Variants in PTPRD observed in about 807,000 individuals in gnomAD.
PTPRD encodes the protein receptor-type tyrosine-protein phosphatase delta.
PTPRD carries 34 observed loss-of-function variants against 214.5 expected under a neutral mutation model. The observed-to-expected ratio is 0.16, with a 90% CI of 0.12 to 0.21. The LOEUF (loss-of-function observed/expected upper bound fraction) is 0.21, where lower values mean the gene tolerates loss of function less well. PTPRD is among the 10% of genes least tolerant of loss of function. The pLI is 1.00. For synonymous variants in PTPRD, 1,128 were observed against 845.7 expected (o/e 1.33, Z -5.79); for missense variants, 2,545 against 2,398.7 (o/e 1.06, Z -1.27).
intron 4 of PTPRD, among the ~76,000 whole-genome samples, chr9:9,939,223 A>G (rs1181992158): frequency 6.6e-6 from 1 of 152,120 alleles, no homozygotes; most frequent in East Asian, 1.9e-4. Context: ...CTTGACGAAA[A>G]CCATAGAGCA....
intron 43 of PTPRD, among the ~76,000 whole-genome samples, chr9:8,333,264 G>T (rs529159595): frequency 6.6e-6 from 1 of 152,106 alleles, no homozygotes; most frequent in Non-Finnish European, 1.5e-5. Flanking sequence ...CAGAAGCTAG[G>T]TAATACAGAT....
chr9:8,425,003 T>C (rs947612583), intron 35 of PTPRD, among the ~76,000 whole-genome samples: 11 of 152,152 alleles, frequency 7.2e-5, no homozygotes, highest in Non-Finnish European at 1.5e-4. Flanking sequence ...GCTTACATCC[T>C]TCACTTTCAT....
At chr9:10,246,670 C>T (rs1431181321) in intron 3 of PTPRD, among the ~76,000 whole-genome samples, 2 of 152,062 alleles carry the variant, frequency 1.3e-5, no homozygotes, top group African/African-American at 4.8e-5. Flanking sequence ...AACCTAAGTA[C>T]ACTTTTTGAG....
At chr9:8,912,315 C>T (rs180674820) in intron 11 of PTPRD, among the ~76,000 whole-genome samples, 23 of 152,012 alleles carry the variant, frequency 1.5e-4, no homozygotes, top group African/African-American at 4.1e-4. Flanking sequence ...GGAGTAATAA[C>T]GAGCAATGAA....
At chr9:9,801,337 TAA>T (rs35160371) in intron 5 of PTPRD, among the ~76,000 whole-genome samples, 49 of 149,220 alleles carry the variant, frequency 3.3e-4, no homozygotes, top group Admixed American at 4.0e-4. Context: ...TAAAGAGGAT[TAA>T]AAAAAAAAAA....
intron 12 of PTPRD, among the ~76,000 whole-genome samples, chr9:8,647,525 T>G (rs1265075101): frequency 5.9e-5 from 9 of 152,186 alleles, no homozygotes; most frequent in Admixed American, 5.9e-4. Context: ...AAGATTACAT[T>G]TAAATTTATT....
At chr9:8,735,381 TG>T (rs140895785) in intron 11 of PTPRD, among the ~76,000 whole-genome samples, 2,169 of 152,012 alleles carry the variant, frequency 0.014, 50 homozygotes, top group African/African-American at 0.05. Context: ...TGGCATCAAG[TG>T]ATCTGCCTGC....
intron 8 of PTPRD, among the ~76,000 whole-genome samples, chr9:9,423,752 T>A (rs552563889): frequency 1.3e-3 from 201 of 152,140 alleles, no homozygotes; most frequent in African/African-American, 4.5e-3. Flanking sequence ...ACCCAATGAA[T>A]AAGTTAAATT....
intron 12 of PTPRD, among the ~76,000 whole-genome samples, chr9:8,676,866 G>C (rs1248229386): frequency 6.6e-6 from 1 of 152,170 alleles, no homozygotes; most frequent in Non-Finnish European, 1.5e-5. Flanking sequence ...GAGCCACCGT[G>C]CCCGGCCCAT....
chr9:9,798,305 G>C (rs2099016988), intron 5 of PTPRD, among the ~76,000 whole-genome samples: 3 of 152,110 alleles, frequency 2.0e-5, no homozygotes, highest in Non-Finnish European at 4.4e-5. Flanking sequence ...ACCTGACACA[G>C]ACACCTTCAG....
chr9:10,227,179 T>G (rs560091490), intron 3 of PTPRD, among the ~76,000 whole-genome samples: 34 of 152,182 alleles, frequency 2.2e-4, no homozygotes, highest in African/African-American at 7.2e-4. Context: ...GGCCATGATT[T>G]GTTCAGACTT....
chr9:9,175,643 A>ACAC (rs1569558787), intron 10 of PTPRD, among the ~76,000 whole-genome samples: 1 of 151,120 alleles, frequency 6.6e-6, no homozygotes, highest in African/African-American at 2.4e-5. Context: ...AAAAAAAAAA[A>ACAC]AAAAAAAGAG....
Position 9,136,261 on chromosome 9 carries a change from A to G in PTPRD, c.-143+47043T>C, listed in dbSNP as rs545121909. ...ATTCCAACTTGATTTTTAAGTCTCTAATTAACATCTTTTGGTCATGGTTGT... is the reference window on the plus strand; with the variant it reads ...ATTCCAACTTGATTTTTAAGTCTCTGATTAACATCTTTTGGTCATGGTTGT... On this transcript the variant is annotated intron_variant, in intron 10 of 45. Coordinates refer to ENST00000381196, the MANE Select transcript of PTPRD (RefSeq NM_002839.4). Among the ~76,000 whole-genome samples the G allele has an allele frequency of 3.8e-4, 57 of 151,592 alleles. 1 individual carries two copies. Among genetic ancestry groups the G allele is most frequent in the African/African-American group, 1.3e-3 (54 of 41,058 alleles).
intron 3 of PTPRD, among the ~76,000 whole-genome samples, chr9:10,144,701 C>A (rs988655571): frequency 4.6e-5 from 7 of 152,038 alleles, no homozygotes; most frequent in African/African-American, 1.7e-4. Context: ...GGACTAGCTT[C>A]GTTAGATATT....
At chr9:9,069,011 T>A (rs534558940) in intron 10 of PTPRD, among the ~76,000 whole-genome samples, 167 of 152,276 alleles carry the variant, frequency 1.1e-3, no homozygotes, top group African/African-American at 3.7e-3. Flanking sequence ...TAAGATTTCA[T>A]ATATACAAAG....
intron 23 of PTPRD, 127 bp from the exon 24 acceptor site, chr9:8,501,186 G>T: frequency 1.4e-6 from 1 of 700,670 alleles, no homozygotes; most frequent in Non-Finnish European, 2.3e-6. Flanking sequence ...TGAAAATAAG[G>T]CTTTGAAACT....
rs367561707 is a variant in PTPRD, at chr9:9,036,105, T to C, written c.-142-17370A>G. On this transcript the variant is annotated intron_variant, in intron 10 of 45. Transcript: ENST00000381196. Reference sequence around the variant, plus strand: ...CAACTGACTGACTCACTAATAAAGATTATTCTCCTTTTGCCATCCAAGGAA... The same window carrying C: ...CAACTGACTGACTCACTAATAAAGACTATTCTCCTTTTGCCATCCAAGGAA... 1.5e-3 allele frequency among the ~76,000 whole-genome samples: 233 copies of C among 152,184 alleles called. 1 individual carries two copies. The highest frequency in any genetic ancestry group is 5.3e-3 in the African/African-American group (221 of 41,530).
chr9:10,004,777 A>T (rs749964877), intron 4 of PTPRD, among the ~76,000 whole-genome samples: 7 of 152,166 alleles, frequency 4.6e-5, no homozygotes, highest in Non-Finnish European at 8.8e-5. Context: ...AAGCAAACTA[A>T]GTTTACAGTA....
chr9:8,592,500 G>C (rs1236487308), intron 14 of PTPRD, among the ~76,000 whole-genome samples: 5 of 152,106 alleles, frequency 3.3e-5, no homozygotes, highest in Non-Finnish European at 7.4e-5. Context: ...TTGCAGAGTA[G>C]AAATTCCAAG....
Sources: gnomAD v4.1 joint callset for allele counts (sites outside exome capture counted in the v4.1 genomes callset) on GRCh38, gnomAD v4.1.1 for gene constraint, MANE v1.5 for transcripts, NCBI Gene and HGNC (gene_info 2026-07-23, HGNC 2026-07-21) for gene names.